TRPM6: variants seen among roughly 807,000 people sequenced by gnomAD.
TRPM6 encodes the protein transient receptor potential cation channel subfamily M member 6.
TRPM6 carries 111 observed loss-of-function variants against 247.6 expected under a neutral mutation model. The ratio of observed to expected loss-of-function variants is 0.45; its 90% CI spans 0.38 to 0.52. The LOEUF is 0.52. Ranked by LOEUF, TRPM6 falls within the 20% of genes least tolerant of loss-of-function variation. The pLI is 0.00. For missense variants in TRPM6, 2,126 were observed against 2,421.5 expected (o/e 0.88, Z 2.56); for synonymous variants, 892 against 853.8 (o/e 1.04, Z -0.78).
At chr9:74,749,514 C>A (rs547665055) in intron 30 of TRPM6, among the ~76,000 whole-genome samples, 20 of 152,266 alleles carry the variant, frequency 1.3e-4, no homozygotes, top group African/African-American at 4.8e-4. Flanking sequence ...CAGATGCCTA[C>A]AAATGAGTCT....
chr9:74,804,422 AC>A, intron 14 of TRPM6: 1 of 529,724 alleles, frequency 1.9e-6, no homozygotes, highest in Non-Finnish European at 3.4e-6. Context: ...AGATACAAAA[AC>A]AAAAAGAAGC....
intron 25 of TRPM6, among the ~76,000 whole-genome samples, chr9:74,768,623 T>G (rs897939796): frequency 2.6e-5 from 4 of 152,250 alleles, no homozygotes; most frequent in African/African-American, 9.6e-5. Flanking sequence ...TGCTCTCCCT[T>G]AGCTCCACAT....
rs570429307 is a variant in TRPM6, at chr9:74,759,790, T to G, written c.4785+1906A>C. Among the ~76,000 whole-genome samples the G allele has an allele frequency of 8.6e-5, 13 of 151,986 alleles. 1 individual carries two copies. The highest frequency in any genetic ancestry group is 3.1e-4 in the African/African-American group (13 of 41,472). ...GAATCAAACACTTCATCAAAAAAATTATGGTTTCAAAGGACGTTTACGAAA... is the reference window on the plus strand; with the variant it reads ...GAATCAAACACTTCATCAAAAAAATGATGGTTTCAAAGGACGTTTACGAAA... On this transcript the variant is annotated intron_variant, in intron 27 of 38. Coordinates refer to ENST00000360774, the MANE Select transcript of TRPM6 (RefSeq NM_017662.5).
chr9:74,794,060 A>G (rs1828002995), intron 18 of TRPM6, among the ~76,000 whole-genome samples: 1 of 152,202 alleles, frequency 6.6e-6, no homozygotes, highest in Non-Finnish European at 1.5e-5. Flanking sequence ...AAGCATTTAT[A>G]GCCTGGCTAC....
Position 74,724,713 on chromosome 9 carries a change from A to T in TRPM6, c.5969T>A (p.Ile1990Lys), listed in dbSNP as rs773846287. The T allele has an allele frequency of 1.2e-6, 2 of 1,614,036 alleles. No homozygotes were observed. Among genetic ancestry groups the T allele is most frequent in the African/African-American group, 2.7e-5 (2 of 74,926 alleles). ...LKRNDYSPERINSTFGLEIKI... is the reference protein window; with the variant it reads ...LKRNDYSPERKNSTFGLEIKI... ...TATCTCAAGTCCAAAGGTGGAATTT[A>T]TCCTTTCAGGGGAATAGTCATTTCT... The change falls in exon 39 of 39, where the codon ATA becomes AAA. Residue 1990 changes from isoleucine (I) to lysine (K), a missense_variant. Coordinates refer to ENST00000360774, the MANE Select transcript of TRPM6 (RefSeq NM_017662.5).
chr9:74,827,704 T>C (rs1174585736), intron 7 of TRPM6, 74 bp downstream of exon 7: 4 of 1,501,216 alleles, frequency 2.7e-6, no homozygotes, highest in Non-Finnish European at 3.7e-6. Context: ...TGAGCTCTGA[T>C]GGTCAGGGAA....
In TRPM6 at chr9:74,744,423, A is replaced by T. The variant is rs375275859; in HGVS notation, c.5084-278T>A. ...GATGTATTTCCTCTGAATCAATTAC[A>T]CCTCTGGGTTGCAGAAGGCACTCAG... On this transcript the variant is annotated intron_variant, in intron 31 of 38. Transcript: ENST00000360774. Among the ~76,000 whole-genome samples, 3 of 152,136 alleles carry T rather than the reference A, an allele frequency of 2.0e-5. No homozygotes were observed. The East Asian group carries it at 5.8e-4, about 29-fold the overall frequency.
intron 1 of TRPM6, chr9:74,875,340 C>T (rs558240542): frequency 1.8e-5 from 8 of 434,230 alleles, no homozygotes; most frequent in Non-Finnish European, 3.2e-5. Context: ...GTCAGGAGTT[C>T]GAGACCAGCC....
intron 27 of TRPM6, among the ~76,000 whole-genome samples, chr9:74,759,189 A>G (rs554859666): frequency 2.6e-5 from 4 of 152,246 alleles, no homozygotes; most frequent in East Asian, 1.9e-4. Context: ...CTTTCCCCAC[A>G]TCGACATATA....
Position 74,816,482 on chromosome 9 carries a change from A to C in TRPM6, c.1308+187T>G, listed in dbSNP as rs1411997591. Reference sequence around the variant, plus strand: ...AGAGCCAGGAAAAAAAAAAAAAAAAAAAAAAAACAGATGGTTTTCAGGAAG... The same window carrying C: ...AGAGCCAGGAAAAAAAAAAAAAAAACAAAAAAACAGATGGTTTTCAGGAAG... On this transcript the variant is annotated intron_variant, in intron 11 of 38. Transcript: ENST00000360774. Among the ~76,000 whole-genome samples the C allele has an allele frequency of 2.6e-5, 4 of 151,454 alleles. No homozygotes were observed. The South Asian group carries it at 6.2e-4, about 24-fold the overall frequency.
intron 27 of TRPM6, among the ~76,000 whole-genome samples, chr9:74,757,238 G>A (rs1329496835): frequency 6.6e-6 from 1 of 151,318 alleles, no homozygotes; most frequent in African/African-American, 2.4e-5. Flanking sequence ...TAAACCCAAA[G>A]TAAATAGAAC....
intron 31 of TRPM6, among the ~76,000 whole-genome samples, chr9:74,745,971 G>C (rs188603852): frequency 6.6e-6 from 1 of 152,270 alleles, no homozygotes; most frequent in African/African-American, 2.4e-5. Flanking sequence ...GGCCAGGCGC[G>C]GGGGCCCACG....
intron 8 of TRPM6, 87 bp downstream of exon 8, chr9:74,821,582 T>G (rs1326985534): frequency 2.8e-6 from 4 of 1,453,094 alleles, no homozygotes; most frequent in Non-Finnish European, 2.9e-6. Context: ...CAAGAATATC[T>G]GGCTCACATA....
At chr9:74,874,244 A>AC (rs1006761826) in intron 1 of TRPM6, among the ~76,000 whole-genome samples, 8 of 149,846 alleles carry the variant, frequency 5.3e-5, no homozygotes, top group African/African-American at 1.5e-4. Context: ...TTAAAAACAA[A>AC]AAAAAAAAAA....
chr9:74,766,581 T>G (rs1378154473), intron 25 of TRPM6, among the ~76,000 whole-genome samples: 3 of 152,150 alleles, frequency 2.0e-5, no homozygotes, highest in Non-Finnish European at 4.4e-5. Context: ...GTAACAACCC[T>G]ATAAGGTAGG....
Position 74,840,183 on chromosome 9 carries a change from T to C in TRPM6, c.385A>G (p.Lys129Glu). 1 of 1,614,128 alleles carries C rather than the reference T, an allele frequency of 6.2e-7. No homozygotes were observed. The highest frequency in any genetic ancestry group is 8.5e-7 in the Non-Finnish European group (1 of 1,179,990). The change falls in exon 5 of 39, where the codon AAA becomes GAA. Residue 129 changes from lysine to glutamate, a missense_variant. By Grantham distance (56) the Lys-to-Glu change is moderately conservative. This residue lies in a region of TRPM6 where 1,082 missense variants were observed against 1,307.9 expected (regional missense o/e 0.83). Coordinates refer to ENST00000360774, the MANE Select transcript of TRPM6 (RefSeq NM_017662.5). Reference sequence around the variant, plus strand: ...TTGGGCAGTTCCATTTTCCACTCTTTCAACATTAAATGTAACAGATGATCC... The same window carrying C: ...TTGGGCAGTTCCATTTTCCACTCTTCCAACATTAAATGTAACAGATGATCC... ...KLDHLLHLML[K>E]EWKMELPKLV...
In TRPM6 at chr9:74,834,022, G is replaced by T. The variant is rs758749724; in HGVS notation, c.645C>A (p.Asn215Lys). Reference protein sequence around the residue: ...VGIPPWGVIENQRDLIGKDVV... With the variant: ...VGIPPWGVIEKQRDLIGKDVV... ...CATCTTTTCCAATAAGGTCTCTCTG[G>T]TTCTCAATGACACCCCAAGGAGGGA... Residue 215 changes from asparagine to lysine, a missense_variant, in exon 6 of 39, where the codon AAC (asparagine) becomes AAA (lysine). By Grantham distance (94) the Asn-to-Lys change is moderately conservative (BLOSUM62 0). Transcript: ENST00000360774. The T allele has an allele frequency of 6.2e-7, 1 of 1,614,068 alleles. No homozygotes were observed. The highest frequency in any genetic ancestry group is 8.5e-7 in the Non-Finnish European group (1 of 1,179,970).
intron 8 of TRPM6, among the ~76,000 whole-genome samples, chr9:74,821,464 C>A (rs1355087342): frequency 1.3e-5 from 2 of 152,158 alleles, no homozygotes; most frequent in Non-Finnish European, 2.9e-5. Flanking sequence ...TAAAGGCAGG[C>A]CATTCTTCAG....
In TRPM6 at chr9:74,776,020, T is replaced by C. The variant is rs1827207347; in HGVS notation, c.3266A>G (p.Tyr1089Cys). The change falls in exon 24 of 39, where the codon TAT (tyrosine) becomes TGT (cysteine). Residue 1089 changes from tyrosine (Y) to cysteine (C), a missense_variant. Around this residue, in one of 3 missense-constraint regions of TRPM6, gnomAD observed 717 missense variants for 715.9 expected, o/e 1.00. Transcript: ENST00000360774. ...ISNNLWKYNR[Y>C]RYIMTYHEKP... Reference sequence around the variant, plus strand: ...CTCGTGGTAGGTCATGATGTAGCGATAGCGGTTGTATTTCCACAGGTTATT... The same window carrying C: ...CTCGTGGTAGGTCATGATGTAGCGACAGCGGTTGTATTTCCACAGGTTATT... 1 of 1,614,126 alleles carries C rather than the reference T, an allele frequency of 6.2e-7. No individual in the cohort carries two copies. The highest frequency in any genetic ancestry group is 1.1e-5 in the South Asian group (1 of 91,084).
Sources: gnomAD v4.1 joint callset for allele counts (sites outside exome capture counted in the v4.1 genomes callset) on GRCh38, gnomAD v4.1.1 for gene constraint, gnomAD v4.1.1 regional missense constraint, MANE v1.5 for transcripts, NCBI Gene and HGNC (gene_info 2026-07-23, HGNC 2026-07-21) for gene names.